SEMA5A: variants seen among roughly 807,000 people sequenced by gnomAD.
The protein encoded by SEMA5A is semaphorin-5A.
SEMA5A carries 55 observed loss-of-function variants against 135.5 expected under a neutral mutation model. The ratio of observed to expected loss-of-function variants is 0.41; its 90% CI spans 0.33 to 0.51. The LOEUF is 0.51. Ranked by LOEUF, SEMA5A falls within the 20% of genes least tolerant of loss-of-function variation. The pLI, the probability that SEMA5A is intolerant of heterozygous loss-of-function variation, is 0.37. For synonymous variants in SEMA5A, 580 were observed against 546.5 expected (o/e 1.06, Z -0.85); for missense variants, 1,290 against 1,419.9 (o/e 0.91, Z 1.47).
intron 1 of SEMA5A, among the ~76,000 whole-genome samples, chr5:9,503,022 T>C (rs1735675365): frequency 6.6e-6 from 1 of 152,168 alleles, no homozygotes; most frequent in Admixed American, 6.5e-5. Context: ...TTGCACTGTG[T>C]CCAAATAATG....
chr5:9,365,503 T>C (rs967549226), intron 3 of SEMA5A, among the ~76,000 whole-genome samples: 6 of 152,100 alleles, frequency 3.9e-5, no homozygotes, highest in Admixed American at 1.3e-4. Flanking sequence ...GATAGCTTTT[T>C]AAAATATTGC....
chr5:9,148,814 G>A (rs765749240), intron 12 of SEMA5A, among the ~76,000 whole-genome samples: 13 of 152,060 alleles, frequency 8.5e-5, no homozygotes, highest in Admixed American at 8.5e-4. Flanking sequence ...CTGCCTCCCG[G>A]GTTCAAGCGA....
chr5:9,180,629 T>C (rs1357347802), intron 11 of SEMA5A, among the ~76,000 whole-genome samples: 2 of 152,110 alleles, frequency 1.3e-5, no homozygotes, highest in African/African-American at 2.4e-5. Flanking sequence ...CAGCCGTAAA[T>C]GTATTAACTT....
rs140024384 is a variant in SEMA5A at position 9,209,525 on chromosome 5, C to T, written c.647-7285G>A. On this transcript the variant is annotated intron_variant, in intron 8 of 22. Transcript: ENST00000382496. ...TAAAATCTGGTAAATATTTTAACTC[C>T]TAAAAAATATGTTAAAAGACTGAAA... 1.3e-4 allele frequency among the ~76,000 whole-genome samples: 20 copies of T among 152,142 alleles called. No individual in the cohort carries two copies. The East Asian group carries it at 3.9e-3, about 29-fold the overall frequency.
chr5:9,078,457 A>G (rs1210904322), intron 16 of SEMA5A, among the ~76,000 whole-genome samples: 1 of 152,156 alleles, frequency 6.6e-6, no homozygotes. Flanking sequence ...TTAAGGTTTC[A>G]GCAGGACTGT....
Position 9,036,984 on chromosome 5 carries a change from T to A in SEMA5A, c.*5913A>T, listed in dbSNP as rs1326369734. The A allele has an allele frequency of 6.6e-6, 1 of 152,264 alleles. No homozygotes were observed. Among genetic ancestry groups the A allele is most frequent in the Non-Finnish European group, 1.5e-5 (1 of 68,046 alleles). The allele number at this position is 152,264 out of a possible 1,614,324, so 9.4% of individuals were successfully genotyped here. A position where few individuals can be genotyped will look rare whatever the true frequency, so the allele number is the denominator to read the frequency against. On this transcript the variant is annotated 3_prime_UTR_variant, in exon 23 of 23. Coordinates refer to ENST00000382496, the MANE Select transcript of SEMA5A (RefSeq NM_003966.3). The stretch of plus-strand genomic sequence containing the variant: ...GTATTTATCAAACATTTGAATCATT[T>A]TATTACTGCCATTCATCTAACATTT...
intron 3 of SEMA5A, among the ~76,000 whole-genome samples, chr5:9,374,792 G>A (rs112111970): frequency 7.9e-5 from 12 of 151,846 alleles, no homozygotes; most frequent in South Asian, 4.2e-4. Context: ...TTCCTCTCCC[G>A]CACCCACCCC....
At chr5:9,452,312 A>C (rs1284802971) in intron 1 of SEMA5A, among the ~76,000 whole-genome samples, 2 of 152,342 alleles carry the variant, frequency 1.3e-5, no homozygotes, top group South Asian at 2.1e-4. Flanking sequence ...TTTGACAGAC[A>C]CATGGCTGTG....
intron 11 of SEMA5A, among the ~76,000 whole-genome samples, chr5:9,159,958 A>G (rs1743160099): frequency 6.6e-6 from 1 of 152,152 alleles, no homozygotes; most frequent in Non-Finnish European, 1.5e-5. Context: ...AGGAACAGAA[A>G]ACCAAACACC....
chr5:9,179,602 A>C (rs187902682), intron 11 of SEMA5A, among the ~76,000 whole-genome samples: 7 of 152,352 alleles, frequency 4.6e-5, no homozygotes, highest in Non-Finnish European at 7.3e-5. Flanking sequence ...ACACATTAAA[A>C]TACAAGAACT....
intron 16 of SEMA5A, among the ~76,000 whole-genome samples, chr5:9,070,803 TTA>T (rs1737732471): frequency 6.6e-6 from 1 of 152,234 alleles, no homozygotes; most frequent in East Asian, 1.9e-4. Flanking sequence ...TGAGGTTTAA[TTA>T]TGATACATTC....
intron 21 of SEMA5A, 79 bp downstream of exon 21, chr5:9,050,331 T>G: frequency 7.4e-7 from 1 of 1,343,632 alleles, no homozygotes. Flanking sequence ...GGCAGAAAAA[T>G]TATAGAAAAC....
chr5:9,170,822 A>G (rs1743878328), intron 11 of SEMA5A, among the ~76,000 whole-genome samples: 1 of 152,168 alleles, frequency 6.6e-6, no homozygotes, highest in East Asian at 1.9e-4. Flanking sequence ...CAGGACCAAG[A>G]CAAGTATATG....
At chr5:9,397,076 G>C (rs1194955983) in intron 2 of SEMA5A, among the ~76,000 whole-genome samples, 3 of 151,114 alleles carry the variant, frequency 2.0e-5, no homozygotes, top group Non-Finnish European at 4.4e-5. Context: ...GACCAAAGAA[G>C]ACAAAATAAA....
intron 5 of SEMA5A, among the ~76,000 whole-genome samples, chr5:9,288,752 A>G (rs1750922889): frequency 6.6e-6 from 1 of 152,216 alleles, no homozygotes; most frequent in South Asian, 2.1e-4. Context: ...ATGGTTGCAT[A>G]ATGAAGTGGC....
intron 11 of SEMA5A, among the ~76,000 whole-genome samples, 178 bp downstream of exon 11, chr5:9,190,089 A>G (rs1361471783): frequency 6.6e-6 from 1 of 152,232 alleles, no homozygotes. Flanking sequence ...ATAGATTGAG[A>G]TTTCCAAAAA....
intron 3 of SEMA5A, among the ~76,000 whole-genome samples, chr5:9,369,186 CTT>C (rs1278112307): frequency 2.6e-5 from 4 of 152,054 alleles, no homozygotes; most frequent in Admixed American, 6.5e-5. Context: ...AGTTGTAAGA[CTT>C]TATATATGCT....
intron 8 of SEMA5A, among the ~76,000 whole-genome samples, chr5:9,208,344 G>T (rs1289950188): frequency 6.6e-6 from 1 of 152,274 alleles, no homozygotes; most frequent in East Asian, 1.9e-4. Flanking sequence ...GCCTGGAGCC[G>T]GCCAGAGTAC....
At chr5:9,286,422 T>C (rs148507138) in intron 5 of SEMA5A, among the ~76,000 whole-genome samples, 157 of 152,230 alleles carry the variant, frequency 1.0e-3, no homozygotes, top group African/African-American at 3.6e-3. Flanking sequence ...CACCCCTCCG[T>C]ACTCTTTTTT....
Sources: allele counts gnomAD v4.1 joint callset (sites outside exome capture counted in the v4.1 genomes callset), GRCh38; gene constraint gnomAD v4.1.1; transcripts MANE v1.5; gene names NCBI Gene and HGNC (gene_info 2026-07-23, HGNC 2026-07-21).